The following ANKRD18B variants were observed in gnomAD, a reference collection of about 807,000 sequenced individuals.
The protein encoded by ANKRD18B is ankyrin repeat domain-containing protein 18B.
ANKRD18B carries 75 observed loss-of-function variants against 111.8 expected under a neutral mutation model. The ratio of observed to expected loss-of-function variants is 0.67; its 90% CI spans 0.56 to 0.81. The LOEUF (loss-of-function observed/expected upper bound fraction) is 0.81. ANKRD18B is among the 40% of genes least tolerant of loss of function. ANKRD18B has a pLI of 0.00. For missense variants in ANKRD18B, 1,038 were observed against 1,225.5 expected (o/e 0.85, Z 2.28); for synonymous variants, 356 against 417.3 (o/e 0.85, Z 1.79).
intron 12 of ANKRD18B, among the ~76,000 whole-genome samples, chr9:33,551,756 G>A (rs182375350): frequency 6.6e-6 from 1 of 152,080 alleles, no homozygotes; most frequent in Non-Finnish European, 1.5e-5. Context: ...TTATTTCCCT[G>A]CCATTGGACT....
rs1212329519 is a variant in ANKRD18B, at chr9:33,548,032, T to TA, written c.1250dup (p.Asn417LysfsTer2). The TA allele has an allele frequency of 2.0e-6, 3 of 1,529,346 alleles. No homozygotes were observed. The highest frequency in any genetic ancestry group is 2.8e-5 in the African/African-American group (2 of 71,432). 94.7% of individuals were successfully genotyped at this position (1,529,346 alleles called of 1,614,324 possible). On this transcript the variant is annotated frameshift_variant, in exon 11 of 19. Coordinates refer to ENST00000684830, the MANE Select transcript of ANKRD18B (RefSeq NM_001393611.1). LOFTEE classifies it high-confidence loss of function. ...ATGCTCAAAGAGGAATTATATGCAA[T>TA]AAAAAATGACAGTCTCAGAAAGGAA...
chr9:33,524,761 C>G (rs1587253121), intron 1 of ANKRD18B, 66 bp downstream of exon 1: 1 of 1,497,418 alleles, frequency 6.7e-7, no homozygotes, highest in East Asian at 2.5e-5. Flanking sequence ...CCGCCTGAGG[C>G]GGGGTCGTCG....
At chr9:33,553,194 T>G (rs1357731180) in intron 12 of ANKRD18B, among the ~76,000 whole-genome samples, 1 of 143,592 alleles carries the variant, frequency 7.0e-6, no homozygotes, top group East Asian at 2.0e-4. Flanking sequence ...AGACCCTGAC[T>G]CTACAAAAAA....
downstream of ANKRD18B, among the ~76,000 whole-genome samples, chr9:33,575,343 T>C (rs1454626281): frequency 4.6e-5 from 7 of 152,182 alleles, no homozygotes; most frequent in South Asian, 2.1e-4. Flanking sequence ...CAGCCCAACA[T>C]GGAAGAAGCC....
At chr9:33,539,982 G>C (rs950586261) in intron 7 of ANKRD18B, 96 bp from the exon 8 acceptor site, 1 of 150,906 alleles carries the variant, frequency 6.6e-6, no homozygotes, top group Non-Finnish European at 1.5e-5. Flanking sequence ...AGGCTGGAAG[G>C]GCTGCTTTTC....
chr9:33,528,709 C>A lies in ANKRD18B; in HGVS notation c.207-18C>A. On this transcript the variant is annotated intron_variant, in intron 1 of 18. Coordinates refer to ENST00000684830, the MANE Select transcript of ANKRD18B (RefSeq NM_001393611.1). ...GATATTGCACTACATTTCCTGAAAA[C>A]CCCTCTCGCTCTCCTAGGACTGTTC... 1.3e-6 allele frequency: 2 copies of A among 1,561,592 alleles called. No individual in the cohort carries two copies. Among genetic ancestry groups the A allele is most frequent in the East Asian group, 4.5e-5 (2 of 44,154 alleles).
intron 13 of ANKRD18B, among the ~76,000 whole-genome samples, chr9:33,557,035 A>T (rs1828537468): frequency 6.6e-6 from 1 of 152,052 alleles, no homozygotes; most frequent in African/African-American, 2.4e-5. Flanking sequence ...TTTTCCATGT[A>T]TTTACTGAGC....
At chr9:33,532,747 G>A (rs1022716537) in intron 3 of ANKRD18B, among the ~76,000 whole-genome samples, 43 of 152,266 alleles carry the variant, frequency 2.8e-4, no homozygotes, top group African/African-American at 9.9e-4. Flanking sequence ...AAGCAAGTTT[G>A]TGCCACCCAG....
At chr9:33,572,275 T>A (rs1245927500) in intron 18 of ANKRD18B, 41 bp from the exon 19 acceptor site, 6 of 1,483,996 alleles carry the variant, frequency 4.0e-6, no homozygotes, top group Non-Finnish European at 5.6e-6. Flanking sequence ...TTAACTGAAA[T>A]GTTTTAGGTA....
At chr9:33,533,650 A>G in intron 4 of ANKRD18B, 105 bp downstream of exon 4, 2 of 1,424,294 alleles carry the variant, frequency 1.4e-6, no homozygotes, top group Non-Finnish European at 1.8e-6. Context: ...TAAACTTATA[A>G]TTATTGGCAT....
downstream of ANKRD18B, chr9:33,573,427 C>G (rs990861348): frequency 6.9e-6 from 3 of 432,084 alleles, 1 homozygote; most frequent in Admixed American, 1.5e-4. Context: ...GTGGGAAGGG[C>G]CCTGGGAGAC....
downstream of ANKRD18B, chr9:33,573,177 G>A (rs1285980512): frequency 1.0e-6 from 1 of 985,182 alleles, no homozygotes; most frequent in African/African-American, 1.7e-5. Flanking sequence ...ACCCTAGAAT[G>A]AGTAATTTTT....
In ANKRD18B at chr9:33,568,658, G is replaced by T. The variant is rs779477781; in HGVS notation, c.2955-13G>T. 6 of 1,508,108 alleles carry T rather than the reference G, an allele frequency of 4.0e-6. No individual in the cohort carries two copies. The South Asian group carries it at 6.6e-5, about 17-fold the overall frequency. 93.4% of individuals were successfully genotyped at this position (1,508,108 alleles called of 1,614,324 possible). ...AATGAAATACTAAGCATTTGTCTTT[G>T]CTCTCTTTACAGATCGGATAAGAAA... On this transcript the variant is annotated splice_polypyrimidine_tract_variant and intron_variant, in intron 16 of 18. Transcript: ENST00000684830.
In ANKRD18B at chr9:33,553,896, G is replaced by A. The variant is rs1828482872; in HGVS notation, c.2218-1812G>A. Reference sequence around the variant, plus strand: ...AGTACAAGAAGAGCCTGGCCAACGTGGTGAAACCCTGTCTCTACTAAAAAT... The same window carrying A: ...AGTACAAGAAGAGCCTGGCCAACGTAGTGAAACCCTGTCTCTACTAAAAAT... On this transcript the variant is annotated intron_variant, in intron 12 of 18. Coordinates refer to ENST00000684830, the MANE Select transcript of ANKRD18B (RefSeq NM_001393611.1). Among the ~76,000 whole-genome samples the A allele has an allele frequency of 2.0e-5, 3 of 151,834 alleles. No homozygotes were observed. The South Asian group carries it at 6.3e-4, about 32-fold the overall frequency.
Position 33,555,840 on chromosome 9 carries a change from G to C in ANKRD18B, c.2330+20G>C, listed in dbSNP as rs1828518091. 1.5e-6 allele frequency: 2 copies of C among 1,304,406 alleles called. No homozygotes were observed. The highest frequency in any genetic ancestry group is 2.0e-6 in the Non-Finnish European group (2 of 1,009,582). The allele number at this position is 1,304,406 out of a possible 1,614,324, so 80.8% of individuals were successfully genotyped here. On this transcript the variant is annotated intron_variant, in intron 13 of 18. Transcript: ENST00000684830. Reference sequence around the variant, plus strand: ...AACTGGGTATGGTTTTCATATTGTAGAACATTTTAGCCATTTAGTAATTGA... The same window carrying C: ...AACTGGGTATGGTTTTCATATTGTACAACATTTTAGCCATTTAGTAATTGA...
Position 33,548,779 on chromosome 9 carries a change from A to G in ANKRD18B, c.1991A>G (p.Asn664Ser), listed in dbSNP as rs1288983997. The G allele has an allele frequency of 2.6e-6, 4 of 1,547,164 alleles. No homozygotes were observed. Among genetic ancestry groups the G allele is most frequent in the East Asian group, 2.4e-5 (1 of 40,872 alleles). Residue 664 changes from asparagine (N) to serine (S), a missense_variant, in exon 11 of 19, where the codon AAT becomes AGT. By Grantham distance (46) the Asn-to-Ser change is conservative (BLOSUM62 1). Transcript: ENST00000684830. The stretch of plus-strand genomic sequence containing the variant: ...AAGGAAGATCTTCTAGAAGAAAGAA[A>G]TAAGGAATTAATGAATGAATATAAT... The part of the protein sequence containing the change: ...NGKEDLLEER[N>S]KELMNEYNYL...
chr9:33,552,293 C>G (rs200906755), intron 12 of ANKRD18B, among the ~76,000 whole-genome samples: 1 of 152,210 alleles, frequency 6.6e-6, no homozygotes. Context: ...TGCCTTCCTT[C>G]ACTATGTAGC....
chr9:33,575,160 T>A (rs1295748141), downstream of ANKRD18B, among the ~76,000 whole-genome samples: 2 of 152,206 alleles, frequency 1.3e-5, no homozygotes, highest in Non-Finnish European at 2.9e-5. Flanking sequence ...ATCTCATTCA[T>A]CCTTGCAGCA....
At chr9:33,555,885 G>T (rs909439745) in intron 13 of ANKRD18B, 65 bp downstream of exon 13, 41 of 1,057,588 alleles carry the variant, frequency 3.9e-5, no homozygotes, top group Non-Finnish European at 1.3e-5. Flanking sequence ...AACTTTACTT[G>T]ACTAAAACTT....
Sources: allele counts gnomAD v4.1 joint callset (sites outside exome capture counted in the v4.1 genomes callset), GRCh38; gene constraint gnomAD v4.1.1; transcripts MANE v1.5; gene names NCBI Gene and HGNC (gene_info 2026-07-23, HGNC 2026-07-21).